Variants in KNTC1 observed in about 807,000 individuals in gnomAD.
KNTC1 encodes kinetochore-associated protein 1.
Under a neutral mutation model 314.4 loss-of-function variants are expected in KNTC1, and 253 were observed. The ratio of observed to expected loss-of-function variants is 0.80; its 90% CI spans 0.73 to 0.89. The LOEUF (loss-of-function observed/expected upper bound fraction) is 0.89, where lower values mean the gene tolerates loss of function less well. Ranked by LOEUF, KNTC1 falls within the 40% of genes least tolerant of loss-of-function variation. The pLI is 0.00. For missense variants in KNTC1, 2,475 were observed against 2,572.9 expected (o/e 0.96, Z 0.82); for synonymous variants, 901 against 901.4 (o/e 1.00, Z 0.01).
At chr12:122,601,924 AC>A (rs1248119722) in intron 45 of KNTC1, 1 of 194,822 alleles carries the variant, frequency 5.1e-6, no homozygotes, top group Non-Finnish European at 1.0e-5. Flanking sequence ...AATTAAGGAA[AC>A]ATTTGCCATG....
At chr12:122,532,245 T>C (rs1036520726) in intron 2 of KNTC1, among the ~76,000 whole-genome samples, 1 of 144,660 alleles carries the variant, frequency 6.9e-6, no homozygotes, top group African/African-American at 2.6e-5. Context: ...ACTCTTGCTC[T>C]GTCACCAGGC....
chr12:122,528,235 T>C (rs1415549253), intron 1 of KNTC1, among the ~76,000 whole-genome samples: 1 of 151,226 alleles, frequency 6.6e-6, no homozygotes, highest in African/African-American at 2.5e-5. Context: ...TTCCAACCTG[T>C]CCCTCCTTCT....
intron 18 of KNTC1, among the ~76,000 whole-genome samples, chr12:122,560,365 C>G (rs1294469061): frequency 6.6e-6 from 1 of 151,972 alleles, no homozygotes; most frequent in African/African-American, 2.4e-5. Flanking sequence ...AATGTTGGGT[C>G]ATATGCTAAT....
Position 122,603,173 on chromosome 12 carries a change from C to T in KNTC1, c.5031C>T (p.Cys1677=). The T allele has an allele frequency of 1.2e-6, 2 of 1,613,330 alleles. No homozygotes were observed. Among genetic ancestry groups the T allele is most frequent in the Non-Finnish European group, 1.7e-6 (2 of 1,179,676 alleles). The change falls in exon 48 of 64, where the codon TGC becomes TGT. Residue 1677 remains cysteine, a synonymous_variant. Coordinates refer to ENST00000333479, the MANE Select transcript of KNTC1 (RefSeq NM_014708.6). Reference sequence around the variant, plus strand: ...AGATCACGCAGACCATCGAATCCTGCTTACTCTCTATAGTCAACCCAGAGT... The same window carrying T: ...AGATCACGCAGACCATCGAATCCTGTTTACTCTCTATAGTCAACCCAGAGT... ...ITKITQTIES[C]LLSIVNPEWA... is the part of the protein sequence containing the mutation.
intron 63 of KNTC1, among the ~76,000 whole-genome samples, chr12:122,625,664 A>G (rs1466713055): frequency 2.6e-5 from 4 of 152,296 alleles, no homozygotes; most frequent in South Asian, 2.1e-4. Flanking sequence ...CTGATCTTCA[A>G]AATCTCACTA....
chr12:122,550,089 A>T (rs1963081218), intron 13 of KNTC1, among the ~76,000 whole-genome samples: 1 of 152,096 alleles, frequency 6.6e-6, no homozygotes, highest in Non-Finnish European at 1.5e-5. Context: ...AAGTCAAAAC[A>T]TCAGTCATCT....
chr12:122,535,767 G>A (rs1282523814), intron 3 of KNTC1, among the ~76,000 whole-genome samples: 2 of 151,780 alleles, frequency 1.3e-5, no homozygotes, highest in African/African-American at 2.4e-5. Flanking sequence ...AGTGAGCCAA[G>A]ATTATGCCAC....
chr12:122,615,572 C>A, intron 57 of KNTC1, 46 bp downstream of exon 57: 1 of 1,455,150 alleles, frequency 6.9e-7, no homozygotes, highest in Non-Finnish European at 9.2e-7. Flanking sequence ...AGTCTTTATA[C>A]TTTCTGGCCT....
intron 1 of KNTC1, among the ~76,000 whole-genome samples, chr12:122,528,760 C>G (rs935922312): frequency 1.3e-5 from 2 of 152,152 alleles, no homozygotes; most frequent in Non-Finnish European, 2.9e-5. Context: ...GATTTCTTAT[C>G]TTGCGTAACA....
intron 9 of KNTC1, 78 bp downstream of exon 9, chr12:122,546,347 T>C: frequency 1.2e-6 from 1 of 863,234 alleles, no homozygotes; most frequent in Non-Finnish European, 1.9e-6. Context: ...TAGACTGACA[T>C]ATGGGTCATT....
At chr12:122,619,611 T>A (rs1174348333) in intron 59 of KNTC1, among the ~76,000 whole-genome samples, 6 of 151,758 alleles carry the variant, frequency 4.0e-5, no homozygotes. Context: ...ACGGGGTTTC[T>A]CCGTGTTAGC....
At chr12:122,550,036 A>G (rs927735373) in intron 13 of KNTC1, among the ~76,000 whole-genome samples, 172 bp downstream of exon 13, 4 of 152,192 alleles carry the variant, frequency 2.6e-5, no homozygotes, top group Admixed American at 2.6e-4. Flanking sequence ...ATCCTCAAAT[A>G]TACTTACTTG....
At position 122,597,873 on chromosome 12, in the gene KNTC1, G is replaced by C. The variant is rs765984749; in HGVS notation, c.4498G>C (p.Glu1500Gln). Residue 1500 changes from glutamate (E) to glutamine (Q), a missense_variant, in exon 44 of 64, where the codon GAG becomes CAG. Physicochemically the swap from Glu to Gln is conservative, Grantham distance 29. Transcript: ENST00000333479. ...TCCCAAACTCCTGGCCAAAGCCCTT[G>C]AGATGGTTCCTTTACTGACGAGCAC... Reference protein sequence around the residue: ...RHPKLLAKALEMVPLLTSTKD... With the variant: ...RHPKLLAKALQMVPLLTSTKD... The C allele has an allele frequency of 1.2e-6, 2 of 1,614,042 alleles. No homozygotes were observed. The highest frequency in any genetic ancestry group is 1.7e-6 in the Non-Finnish European group (2 of 1,179,902).
chr12:122,610,318 G>A (rs56019922), intron 52 of KNTC1, among the ~76,000 whole-genome samples: 5,370 of 152,244 alleles, frequency 0.035, 345 homozygotes, highest in African/African-American at 0.12. Flanking sequence ...AATCCCAAAA[G>A]GCTACTTAAT....
chr12:122,537,335 C>T (rs954169013), intron 3 of KNTC1, among the ~76,000 whole-genome samples: 3 of 152,170 alleles, frequency 2.0e-5, no homozygotes, highest in African/African-American at 7.2e-5. Flanking sequence ...AGCTCTCTTA[C>T]CTGGCTCTAC....
intron 12 of KNTC1, among the ~76,000 whole-genome samples, chr12:122,548,825 G>A (rs1962979937): frequency 6.6e-6 from 1 of 151,844 alleles, no homozygotes; most frequent in Admixed American, 6.6e-5. Flanking sequence ...AAAATTAGCC[G>A]GGCTTGGTGG....
In KNTC1 at chr12:122,569,783, G is replaced by A; in HGVS notation, c.1819G>A (p.Asp607Asn). Residue 607 changes from aspartate (D) to asparagine (N), a missense_variant, in exon 22 of 64, where the codon GAT (aspartate) becomes AAT (asparagine). Transcript: ENST00000333479. ...LQKLCPWFKN[D>N]VIPFVRRTVP... ...AAAGCTGTGTCCATGGTTTAAAAAT[G>A]ATGTGATTCCATTTGTAAGAAGGAC... is the stretch of plus-strand genomic sequence containing the variant. 1 of 1,613,760 alleles carries A rather than the reference G, an allele frequency of 6.2e-7. No individual in the cohort carries two copies. The highest frequency in any genetic ancestry group is 8.5e-7 in the Non-Finnish European group (1 of 1,179,804).
intron 31 of KNTC1, 25 bp downstream of exon 31, chr12:122,577,816 T>C: frequency 1.3e-6 from 2 of 1,596,528 alleles, no homozygotes; most frequent in African/African-American, 2.7e-5. Context: ...AAGTAAAATA[T>C]AAGTAAATCC....
intron 2 of KNTC1, among the ~76,000 whole-genome samples, chr12:122,532,177 GCGC>G (rs1961394281): frequency 6.6e-6 from 1 of 150,516 alleles, no homozygotes; most frequent in Non-Finnish European, 1.5e-5. Flanking sequence ...GGGATTATAG[GCGC>G]CTGCCACCAC....
Sources: gnomAD v4.1 joint callset for allele counts (sites outside exome capture counted in the v4.1 genomes callset) on GRCh38, gnomAD v4.1.1 for gene constraint, MANE v1.5 for transcripts, NCBI Gene and HGNC (gene_info 2026-07-23, HGNC 2026-07-21) for gene names.